Variants in CWF19L2 observed in about 807,000 individuals in gnomAD.
The protein encoded by CWF19L2 is CWF19 like cell cycle control factor 2.
In CWF19L2, 98 loss-of-function variants were observed where a neutral mutation model predicts 111.7. That is an observed-to-expected ratio of 0.88 (90% CI 0.75 to 1.04). CWF19L2 has a LOEUF of 1.04. Ranked by LOEUF, CWF19L2 falls within the 50% of genes least tolerant of loss-of-function variation. The pLI, the probability that CWF19L2 is intolerant of heterozygous loss-of-function variation, is 0.00. For missense variants in CWF19L2, 1,101 were observed against 1,051.4 expected (o/e 1.05, Z -0.65); for synonymous variants, 351 against 342.9 (o/e 1.02, Z -0.26).
In CWF19L2 at chr11:107,327,974, G is replaced by A. The variant is rs539705179; in HGVS notation, c.2542-921C>T. Among the ~76,000 whole-genome samples, 8 of 152,188 alleles carry A rather than the reference G, an allele frequency of 5.3e-5. No individual in the cohort carries two copies. In the South Asian group the frequency reaches 1.0e-3, roughly 20 times the overall value. On this transcript the variant is annotated intron_variant, in intron 17 of 17. Coordinates refer to ENST00000282251, the MANE Select transcript of CWF19L2 (RefSeq NM_152434.3). ...AGGGACCTACTATGCAGAAGCAAATGCCGTATGTTGTAGGGGATACAGAGA... is the reference window on the plus strand; with the variant it reads ...AGGGACCTACTATGCAGAAGCAAATACCGTATGTTGTAGGGGATACAGAGA...
intron 14 of CWF19L2, among the ~76,000 whole-genome samples, chr11:107,341,616 A>G (rs1242863996): frequency 1.3e-5 from 2 of 152,192 alleles, no homozygotes; most frequent in Non-Finnish European, 2.9e-5. Flanking sequence ...CAAACTCCCA[A>G]TATGAATGAA....
chr11:107,417,039 T>C (rs1265152468), intron 9 of CWF19L2, among the ~76,000 whole-genome samples: 1 of 152,220 alleles, frequency 6.6e-6, no homozygotes, highest in African/African-American at 2.4e-5. Flanking sequence ...TTCAAAGAGA[T>C]AGAGCAGCAT....
chr11:107,386,718 T>C (rs1860771844), intron 12 of CWF19L2, among the ~76,000 whole-genome samples: 1 of 152,126 alleles, frequency 6.6e-6, no homozygotes, highest in Non-Finnish European at 1.5e-5. Flanking sequence ...CAGACTCTCC[T>C]CATTAATAAT....
intron 3 of CWF19L2, among the ~76,000 whole-genome samples, chr11:107,444,646 AC>A (rs1861676720): frequency 6.6e-6 from 1 of 152,206 alleles, no homozygotes. Flanking sequence ...AGTTTCACTG[AC>A]TAATTGTCTA....
At chr11:107,419,016 A>C (rs1203526326) in intron 8 of CWF19L2, among the ~76,000 whole-genome samples, 1 of 152,214 alleles carries the variant, frequency 6.6e-6, no homozygotes, top group African/African-American at 2.4e-5. Context: ...ACAGAGTACC[A>C]AAGAAGCGAA....
intron 5 of CWF19L2, among the ~76,000 whole-genome samples, chr11:107,440,825 A>G (rs1006885748): frequency 6.3e-5 from 9 of 141,978 alleles, no homozygotes; most frequent in African/African-American, 2.2e-4. Context: ...CCTCTCTGGT[A>G]GCAATCAGAT....
rs372165026 is a variant in CWF19L2 at position 107,433,704 on chromosome 11, T to A, written c.710A>T (p.Tyr237Phe). Reference sequence around the variant, plus strand: ...CTCAGCTTGTTCCTTCATTCTTAGATAAGATTTCCTTAGCCAGCTTAATCC... The same window carrying A: ...CTCAGCTTGTTCCTTCATTCTTAGAAAAGATTTCCTTAGCCAGCTTAATCC... The part of the protein sequence containing the change: ...DGGLSWLRKS[Y>F]LRMKEQAEKQ... The change falls in exon 7 of 18, where the codon TAT (tyrosine) becomes TTT (phenylalanine). Residue 237 changes from tyrosine to phenylalanine, a missense_variant. Physicochemically the swap from Tyr to Phe is conservative, Grantham distance 22. Coordinates refer to ENST00000282251, the MANE Select transcript of CWF19L2 (RefSeq NM_152434.3). 101 of 1,593,632 alleles carry A rather than the reference T, an allele frequency of 6.3e-5. No individual in the cohort carries two copies. In the Middle Eastern group the frequency reaches 6.7e-4, roughly 11 times the overall value.
intron 12 of CWF19L2, among the ~76,000 whole-genome samples, chr11:107,389,608 T>C (rs1021447699): frequency 3.9e-5 from 6 of 152,168 alleles, no homozygotes; most frequent in Non-Finnish European, 8.8e-5. Flanking sequence ...TAAAATAATA[T>C]ATATTTTCAT....
intron 10 of CWF19L2, among the ~76,000 whole-genome samples, chr11:107,403,140 A>C (rs1861030753): frequency 6.6e-6 from 1 of 151,134 alleles, no homozygotes; most frequent in Admixed American, 6.6e-5. Context: ...AAAAGACTAC[A>C]AATATGGTCC....
intron 4 of CWF19L2, 94 bp from the exon 5 acceptor site, chr11:107,441,716 G>C: frequency 1.5e-6 from 2 of 1,299,640 alleles, no homozygotes; most frequent in African/African-American, 3.1e-5. Flanking sequence ...AATAAGAGCA[G>C]GGACTTTGGA....
intron 14 of CWF19L2, among the ~76,000 whole-genome samples, chr11:107,344,742 T>C (rs971860171): frequency 3.9e-5 from 6 of 152,238 alleles, no homozygotes; most frequent in Non-Finnish European, 8.8e-5. Flanking sequence ...TTCAACCTAG[T>C]TGAGATTGTC....
At chr11:107,386,450 A>C (rs1400757791) in intron 12 of CWF19L2, among the ~76,000 whole-genome samples, 1 of 152,206 alleles carries the variant, frequency 6.6e-6, no homozygotes, top group Non-Finnish European at 1.5e-5. Context: ...TGAACACAAC[A>C]TAATCATGCT....
At chr11:107,396,908 T>A (rs145265149) in intron 10 of CWF19L2, among the ~76,000 whole-genome samples, 10 of 152,102 alleles carry the variant, frequency 6.6e-5, no homozygotes, top group Non-Finnish European at 1.2e-4. Flanking sequence ...ACTGGAGAAG[T>A]TGAAGGTCTG....
intron 3 of CWF19L2, among the ~76,000 whole-genome samples, chr11:107,454,007 C>A (rs1861817464): frequency 6.6e-6 from 1 of 152,162 alleles, no homozygotes; most frequent in East Asian, 1.9e-4. Context: ...ACACCAGGTA[C>A]AAGTCTAAGG....
At chr11:107,447,258 G>A (rs1861714238) in intron 3 of CWF19L2, among the ~76,000 whole-genome samples, 1 of 152,172 alleles carries the variant, frequency 6.6e-6, no homozygotes, top group Non-Finnish European at 1.5e-5. Flanking sequence ...AACGGAATTT[G>A]AACTTTGTGA....
At chr11:107,387,452 C>CAAAAAAAAAA (rs1860784620) in intron 12 of CWF19L2, among the ~76,000 whole-genome samples, 1 of 64,426 alleles carries the variant, frequency 1.6e-5, no homozygotes, top group African/African-American at 8.5e-5. Context: ...AAAAACAAAA[C>CAAAAAAAAAA]AAAACAAAAC....
In CWF19L2 at chr11:107,337,237, G is replaced by T. The variant is rs560416174; in HGVS notation, c.2203-524C>A. Among the ~76,000 whole-genome samples the T allele has an allele frequency of 2.0e-5, 3 of 152,268 alleles. No individual in the cohort carries two copies. In the East Asian group the frequency reaches 5.8e-4, roughly 29 times the overall value. On this transcript the variant is annotated intron_variant, in intron 14 of 17. Transcript: ENST00000282251. The stretch of plus-strand genomic sequence containing the variant: ...GTAGTCCTCTATTTTCACATATAAT[G>T]CAGTCCTATAAAGCATATGAAAGCC...
In CWF19L2 at chr11:107,441,712, A is replaced by G; in HGVS notation, c.451-90T>C. 1.5e-6 allele frequency: 2 copies of G among 1,311,696 alleles called. 1 individual carries two copies. The highest frequency in any genetic ancestry group is 3.0e-5 in the African/African-American group (2 of 65,782). 81.3% of individuals were successfully genotyped at this position (1,311,696 alleles called of 1,614,324 possible). Reference sequence around the variant, plus strand: ...AATTTAATAAACACTTGGTAATAAGAGCAGGGACTTTGGAGGCAATCAAAC... The same window carrying G: ...AATTTAATAAACACTTGGTAATAAGGGCAGGGACTTTGGAGGCAATCAAAC... On this transcript the variant is annotated intron_variant, in intron 4 of 17. Coordinates refer to ENST00000282251, the MANE Select transcript of CWF19L2 (RefSeq NM_152434.3).
At chr11:107,352,882 T>A (rs1860177241) in intron 13 of CWF19L2, among the ~76,000 whole-genome samples, 4 of 152,084 alleles carry the variant, frequency 2.6e-5, no homozygotes, top group East Asian at 3.9e-4. Flanking sequence ...TCATTCAACT[T>A]CTTCTACTTT....
Sources: gnomAD v4.1 joint callset for allele counts (sites outside exome capture counted in the v4.1 genomes callset) on GRCh38, gnomAD v4.1.1 for gene constraint, MANE v1.5 for transcripts, NCBI Gene and HGNC (gene_info 2026-07-23, HGNC 2026-07-21) for gene names.